The following RIMS2 variants were observed in gnomAD, a reference collection of about 807,000 sequenced individuals.
RIMS2 encodes the protein regulating synaptic membrane exocytosis protein 2.
A neutral mutation model predicts 174.4 loss-of-function variants in RIMS2; 59 were observed. The ratio of observed to expected loss-of-function variants is 0.34; its 90% confidence interval spans 0.27 to 0.42. The LOEUF (loss-of-function observed/expected upper bound fraction) is 0.42, where lower values mean the gene tolerates loss of function less well. Among genes scored for constraint, RIMS2 ranks in the 10% least tolerant of loss-of-function variants. The pLI, the probability that RIMS2 is intolerant of heterozygous loss-of-function variation, is 1.00. For missense variants in RIMS2, 1,620 were observed against 1,666.3 expected (o/e 0.97, Z 0.48); for synonymous variants, 606 against 572.5 (o/e 1.06, Z -0.84).
chr8:104,173,435 A>G (rs1035838942), intron 19 of RIMS2, among the ~76,000 whole-genome samples: 3 of 152,084 alleles, frequency 2.0e-5, no homozygotes, highest in Admixed American at 2.0e-4. Flanking sequence ...TAGGATAACA[A>G]TGACTCTATT....
intron 1 of RIMS2, among the ~76,000 whole-genome samples, chr8:103,637,717 A>G (rs1373419423): frequency 6.6e-6 from 1 of 152,216 alleles, no homozygotes; most frequent in Non-Finnish European, 1.5e-5. Flanking sequence ...CAAAACAAAG[A>G]AAACAGGATT....
chr8:104,162,208 G>A (rs899553088), intron 19 of RIMS2, among the ~76,000 whole-genome samples: 7 of 152,110 alleles, frequency 4.6e-5, no homozygotes, highest in South Asian at 2.1e-4. Context: ...AAAAGGTAAG[G>A]AAATTCAAGA....
intron 1 of RIMS2, among the ~76,000 whole-genome samples, chr8:103,510,989 G>A (rs1217979554): frequency 2.0e-5 from 3 of 152,022 alleles, no homozygotes; most frequent in African/African-American, 7.2e-5. Context: ...TTTTTAAAAA[G>A]TATTTTGTAT....
chr8:104,249,046 A>G (rs545905986), intron 21 of RIMS2, among the ~76,000 whole-genome samples: 1 of 150,754 alleles, frequency 6.6e-6, no homozygotes, highest in South Asian at 2.1e-4. Context: ...CTCCCACCTC[A>G]TCTTCCCAAG....
At position 104,251,284 on chromosome 8, in the gene RIMS2, C is replaced by T. The variant is rs535127579; in HGVS notation, c.3831+121C>T. On this transcript the variant is annotated intron_variant, in intron 23 of 23. Transcript: ENST00000504942. ...CCTCACAAAGGAAATTCTTTGGAAA[C>T]TTTTCAAAGCAGTGGCCCGTGCTAT... 41 of 911,628 alleles carry T rather than the reference C, an allele frequency of 4.5e-5. No individual in the cohort carries two copies. In the African/African-American group the frequency reaches 4.7e-4, roughly 10 times the overall value. 56.5% of individuals were successfully genotyped at this position (911,628 alleles called of 1,614,324 possible). A position where few individuals can be genotyped will look rare whatever the true frequency, so the allele number is the denominator to read the frequency against.
At chr8:103,819,766 A>G (rs12386839) in intron 3 of RIMS2, 49,856 of 596,558 alleles carry the variant, frequency 0.084, 2,874 homozygotes, top group African/African-American at 0.22. Context: ...AAAATTTTAT[A>G]TAGCATTCTT....
intron 1 of RIMS2, among the ~76,000 whole-genome samples, chr8:103,581,260 C>G (rs1032937652): frequency 1.3e-5 from 2 of 152,270 alleles, no homozygotes; most frequent in South Asian, 4.1e-4. Context: ...AATTCAACAA[C>G]ACATTAAAAA....
exon 7 of RIMS2, chr8:103,915,546 A>G (rs2076490814): frequency 6.2e-7 from 1 of 1,607,396 alleles, no homozygotes; most frequent in Non-Finnish European, 8.5e-7. Context: ...ATTTATTACT[A>G]AAGTAAAAAA....
chr8:103,836,240 T>C (rs2098889267), intron 3 of RIMS2, among the ~76,000 whole-genome samples: 1 of 152,220 alleles, frequency 6.6e-6, no homozygotes, highest in Admixed American at 6.5e-5. Context: ...TAATTATTTA[T>C]AATCATGGCT....
chr8:103,598,697 G>C (rs1389091086), intron 1 of RIMS2, among the ~76,000 whole-genome samples: 1 of 152,144 alleles, frequency 6.6e-6, no homozygotes, highest in Non-Finnish European at 1.5e-5. Flanking sequence ...ATGGTTTTCA[G>C]TGGCAAGTCT....
At chr8:103,866,405 A>AG (rs1486277511) in intron 3 of RIMS2, among the ~76,000 whole-genome samples, 1 of 152,164 alleles carries the variant, frequency 6.6e-6, no homozygotes, top group Non-Finnish European at 1.5e-5. Flanking sequence ...TTGAATCTCA[A>AG]GGTCTTCAGA....
intron 19 of RIMS2, among the ~76,000 whole-genome samples, chr8:104,093,241 C>T (rs1334753073): frequency 6.6e-6 from 1 of 151,906 alleles, no homozygotes; most frequent in Non-Finnish European, 1.5e-5. Context: ...TAATGGCCTT[C>T]ACTGGGGTGT....
chr8:104,193,653 A>G (rs1368590423), intron 19 of RIMS2, among the ~76,000 whole-genome samples: 1 of 152,194 alleles, frequency 6.6e-6, no homozygotes, highest in Non-Finnish European at 1.5e-5. Context: ...ATATCAGTAC[A>G]TCTAATATCA....
intron 19 of RIMS2, among the ~76,000 whole-genome samples, chr8:104,090,203 AG>A (rs1328848464): frequency 6.6e-6 from 1 of 151,786 alleles, no homozygotes; most frequent in Non-Finnish European, 1.5e-5. Context: ...CTGTGAAAAA[AG>A]GCATAAAACT....
At chr8:103,728,885 T>G (rs563019415) in intron 2 of RIMS2, among the ~76,000 whole-genome samples, 1 of 152,108 alleles carries the variant, frequency 6.6e-6, no homozygotes, top group Admixed American at 6.6e-5. Context: ...ATTGATTGAT[T>G]TACGTTTGTT....
At chr8:103,732,720 C>T (rs766801686) in intron 2 of RIMS2, among the ~76,000 whole-genome samples, 2 of 152,192 alleles carry the variant, frequency 1.3e-5, no homozygotes, top group African/African-American at 2.4e-5. Flanking sequence ...TTCATCACCA[C>T]CACCGCGGAC....
At chr8:103,631,829 G>T (rs906466831) in intron 1 of RIMS2, among the ~76,000 whole-genome samples, 4 of 152,224 alleles carry the variant, frequency 2.6e-5, no homozygotes, top group Admixed American at 2.6e-4. Context: ...AATTCTCCTT[G>T]TAGAGACCTT....
At chr8:103,870,115 C>A (rs77266058) in intron 3 of RIMS2, among the ~76,000 whole-genome samples, 4 of 146,004 alleles carry the variant, frequency 2.7e-5, no homozygotes, top group African/African-American at 1.0e-4. Context: ...AGCTAACAGC[C>A]GATAGCTATA....
chr8:103,582,312 C>T (rs1182229990), intron 1 of RIMS2, among the ~76,000 whole-genome samples: 4 of 152,132 alleles, frequency 2.6e-5, no homozygotes, highest in Admixed American at 1.3e-4. Flanking sequence ...GGACCTTGGG[C>T]GAGCCTCTGA....
Sources: allele counts gnomAD v4.1 joint callset (sites outside exome capture counted in the v4.1 genomes callset), GRCh38; gene constraint gnomAD v4.1.1; transcripts MANE v1.5; gene names NCBI Gene and HGNC (gene_info 2026-07-23, HGNC 2026-07-21).